KIAA1217: variants seen among roughly 807,000 people sequenced by gnomAD.
KIAA1217 encodes the protein sickle tail protein homolog.
KIAA1217 carries 88 observed loss-of-function variants against 163.9 expected under a neutral mutation model. The ratio of observed to expected loss-of-function variants is 0.54; its 90% CI spans 0.45 to 0.64. The LOEUF is 0.64. Ranked by LOEUF, KIAA1217 falls within the 30% of genes least tolerant of loss-of-function variation. The pLI is 0.00. For synonymous variants in KIAA1217, 903 were observed against 923.1 expected (o/e 0.98, Z 0.39); for missense variants, 2,372 against 2,475.0 (o/e 0.96, Z 0.88).
chr10:23,948,163 T>C (rs1254531273), intron 1 of KIAA1217, among the ~76,000 whole-genome samples: 1 of 152,230 alleles, frequency 6.6e-6, no homozygotes, highest in Non-Finnish European at 1.5e-5. Flanking sequence ...GCATAGATTC[T>C]GGTTCAAATC....
At chr10:24,371,003 G>A (rs909539822) in intron 2 of KIAA1217, among the ~76,000 whole-genome samples, 2 of 152,216 alleles carry the variant, frequency 1.3e-5, no homozygotes, top group Admixed American at 6.5e-5. Context: ...GGAACTTACC[G>A]ATGATCTAAT....
intron 1 of KIAA1217, among the ~76,000 whole-genome samples, chr10:23,702,360 A>G (rs2130706333): frequency 6.6e-6 from 1 of 152,280 alleles, no homozygotes; most frequent in South Asian, 2.1e-4. Context: ...TCTTTTGCCT[A>G]GTTCATAAAC....
intron 2 of KIAA1217, among the ~76,000 whole-genome samples, chr10:24,149,619 G>A (rs777752938): frequency 2.6e-5 from 4 of 152,056 alleles, no homozygotes; most frequent in Admixed American, 6.6e-5. Flanking sequence ...AACTAAAAAT[G>A]GGAGAAGGAT....
At chr10:24,207,769 C>A (rs147792937), upstream of KIAA1217, among the ~76,000 whole-genome samples, 471 of 152,330 alleles carry the variant, frequency 3.1e-3, 1 homozygote, top group Non-Finnish European at 5.5e-3. Context: ...GTCTCCTTTC[C>A]TTTTGGCCTA....
At chr10:24,262,228 T>C (rs2075791322) in intron 2 of KIAA1217, among the ~76,000 whole-genome samples, 1 of 152,136 alleles carries the variant, frequency 6.6e-6, no homozygotes, top group Non-Finnish European at 1.5e-5. Context: ...GGTGAAATAG[T>C]GGCTGATCAA....
chr10:23,717,413 A>C (rs1232757100), intron 1 of KIAA1217, among the ~76,000 whole-genome samples: 1 of 152,074 alleles, frequency 6.6e-6, no homozygotes, highest in African/African-American at 2.4e-5. Flanking sequence ...ATGCATCACT[A>C]TCACACTATG....
intron 1 of KIAA1217, among the ~76,000 whole-genome samples, chr10:23,882,868 T>C (rs1172919192): frequency 6.6e-6 from 1 of 151,922 alleles, no homozygotes; most frequent in Non-Finnish European, 1.5e-5. Context: ...GAAAATGTGG[T>C]TAATGCTACA....
intron 1 of KIAA1217, among the ~76,000 whole-genome samples, chr10:23,927,045 C>T (rs1843050005): frequency 6.6e-6 from 1 of 151,570 alleles, no homozygotes; most frequent in African/African-American, 2.4e-5. Flanking sequence ...GTACCTGGAT[C>T]CACAGGCATG....
rs562693694 is a variant in KIAA1217, at chr10:23,762,254, C to T, written c.-321+67020C>T. ...AAACAATTGAAAAGAAGGGACTCCT[C>T]CCTAATTCATTTTATGAAGCCAACA... On this transcript the variant is annotated intron_variant, in intron 1 of 18. Transcript: ENST00000376462. 5.9e-5 allele frequency among the ~76,000 whole-genome samples: 9 copies of T among 152,136 alleles called. No homozygotes were observed. In the East Asian group the frequency reaches 1.7e-3, roughly 29 times the overall value.
chr10:24,443,347 A>G (rs1455116354), intron 5 of KIAA1217, among the ~76,000 whole-genome samples: 1 of 152,146 alleles, frequency 6.6e-6, no homozygotes, highest in African/African-American at 2.4e-5. Context: ...ACAGAGATTT[A>G]AACCCAGGCA....
chr10:24,283,160 G>C (rs377722293), intron 2 of KIAA1217, among the ~76,000 whole-genome samples: 17 of 152,038 alleles, frequency 1.1e-4, no homozygotes, highest in Admixed American at 8.5e-4. Flanking sequence ...TAGGGCCTTT[G>C]ACTGATAGAG....
rs187647971 is a variant in KIAA1217, at chr10:24,094,371, T to C, written c.-171+86997T>C. Reference sequence around the variant, plus strand: ...CCCCATCTTTGTGGTTTTATCTACTTTTGGTCTTTGATGATGGTGATGTAC... The same window carrying C: ...CCCCATCTTTGTGGTTTTATCTACTCTTGGTCTTTGATGATGGTGATGTAC... On this transcript the variant is annotated intron_variant, in intron 2 of 18. Transcript: ENST00000376462. 4.1e-3 allele frequency among the ~76,000 whole-genome samples: 620 copies of C among 152,266 alleles called. 6 individuals carry two copies. The highest frequency in any genetic ancestry group is 0.014 in the African/African-American group (587 of 41,562).
At chr10:23,899,302 T>C (rs1223592242) in intron 1 of KIAA1217, among the ~76,000 whole-genome samples, 1 of 152,154 alleles carries the variant, frequency 6.6e-6, no homozygotes, top group Non-Finnish European at 1.5e-5. Context: ...AGAGTTCTTG[T>C]TGTCTCACAT....
At chr10:24,012,829 A>C (rs1238368325) in intron 2 of KIAA1217, among the ~76,000 whole-genome samples, 1 of 152,132 alleles carries the variant, frequency 6.6e-6, no homozygotes, top group Non-Finnish European at 1.5e-5. Flanking sequence ...TACTGATCTC[A>C]TGCTTCTGTT....
At chr10:24,084,149 T>C (rs924808951) in intron 2 of KIAA1217, among the ~76,000 whole-genome samples, 1 of 152,208 alleles carries the variant, frequency 6.6e-6, no homozygotes, top group Non-Finnish European at 1.5e-5. Flanking sequence ...GCCACCCAAT[T>C]ATAAATGCAG....
intron 1 of KIAA1217, among the ~76,000 whole-genome samples, chr10:23,801,024 A>C (rs946847842): frequency 6.6e-6 from 1 of 152,218 alleles, no homozygotes; most frequent in Non-Finnish European, 1.5e-5. Flanking sequence ...ACACATGTAC[A>C]TGTATGTTTA....
intron 2 of KIAA1217, among the ~76,000 whole-genome samples, chr10:24,028,694 T>C (rs1246390321): frequency 6.6e-6 from 1 of 152,186 alleles, no homozygotes; most frequent in Non-Finnish European, 1.5e-5. Flanking sequence ...TGTGTATTCT[T>C]TGCATTGTTT....
intron 3 of KIAA1217, among the ~76,000 whole-genome samples, chr10:24,419,731 T>C (rs985547629): frequency 6.6e-6 from 1 of 152,130 alleles, no homozygotes; most frequent in Non-Finnish European, 1.5e-5. Flanking sequence ...TCTTTCCCCA[T>C]CCTTTGCCAG....
chr10:24,279,017 T>C (rs934459562), intron 2 of KIAA1217, among the ~76,000 whole-genome samples: 6 of 151,756 alleles, frequency 4.0e-5, no homozygotes, highest in Non-Finnish European at 7.4e-5. Context: ...CCACCACTAA[T>C]TTTTGTATTT....
Sources: allele counts gnomAD v4.1 joint callset (sites outside exome capture counted in the v4.1 genomes callset), GRCh38; gene constraint gnomAD v4.1.1; transcripts MANE v1.5; gene names NCBI Gene and HGNC (gene_info 2026-07-23, HGNC 2026-07-21).